YTHDC2: variants seen among roughly 807,000 people sequenced by gnomAD.
YTHDC2 encodes 3'-5' RNA helicase YTHDC2.
Under a neutral mutation model 174.9 loss-of-function variants are expected in YTHDC2, and 45 were observed. That is an observed-to-expected ratio of 0.26 (90% CI 0.20 to 0.33). The LOEUF (loss-of-function observed/expected upper bound fraction) is 0.33. Ranked by LOEUF, YTHDC2 falls within the 10% of genes least tolerant of loss-of-function variation. YTHDC2 has a pLI of 1.00. For synonymous variants in YTHDC2, 657 were observed against 574.5 expected, an observed-to-expected ratio of 1.14 and a Z score of -2.05; for missense variants, 1,650 against 1,723.7, an observed-to-expected ratio of 0.96 and a Z score of 0.76.
At position 113,553,665 on chromosome 5, in the gene YTHDC2, G is replaced by A. The variant is rs150138204; in HGVS notation, c.1943G>A (p.Arg648Gln). The A allele has an allele frequency of 8.1e-6, 13 of 1,613,318 alleles. No homozygotes were observed. The highest frequency in any genetic ancestry group is 2.2e-5 in the South Asian group (2 of 91,056). ...GATCGCATCCTGTTTGATGACAAGC[G>A]GTTTGCTGACAGTACACATAGGTAA... ...LRDRILFDDK[R>Q]FADSTHRYQV... is the part of the protein sequence containing the mutation. The change falls in exon 14 of 30, where the codon CGG becomes CAG. Residue 648 changes from arginine to glutamine, a missense_variant. Physicochemically the swap from Arg to Gln is conservative, Grantham distance 43 (BLOSUM62 1). Transcript: ENST00000161863.
intron 1 of YTHDC2, chr5:113,514,399 C>G (rs1773254583): frequency 7.1e-6 from 4 of 565,462 alleles, no homozygotes; most frequent in South Asian, 1.6e-5. Flanking sequence ...TAGCCCTAAC[C>G]CTTTTTAAGG....
Position 113,553,395 on chromosome 5 carries a change from T to C in YTHDC2, c.1867+36T>C, listed in dbSNP as rs754507875. ...GTTGTCTAAAAGAACTGGAGCAAAA[T>C]ATATACTTTAAGAATTAATATTTTA... On this transcript the variant is annotated intron_variant, in intron 13 of 29. Transcript: ENST00000161863. 17 of 1,551,692 alleles carry C rather than the reference T, an allele frequency of 1.1e-5. No homozygotes were observed. The East Asian group carries it at 3.9e-4, about 35-fold the overall frequency.
chr5:113,566,783 G>T (rs944790328), intron 21 of YTHDC2, among the ~76,000 whole-genome samples: 1 of 152,030 alleles, frequency 6.6e-6, no homozygotes, highest in Admixed American at 6.6e-5. Flanking sequence ...AATTTAGTTT[G>T]TTTCTGGCAG....
intron 2 of YTHDC2, among the ~76,000 whole-genome samples, 190 bp from the exon 3 acceptor site, chr5:113,524,791 G>A (rs1774102112): frequency 6.6e-6 from 1 of 151,984 alleles, no homozygotes; most frequent in Non-Finnish European, 1.5e-5. Context: ...AATTTTAATT[G>A]AAAATAGTTT....
chr5:113,585,575 C>G (rs183143940), intron 26 of YTHDC2, among the ~76,000 whole-genome samples: 7 of 152,028 alleles, frequency 4.6e-5, no homozygotes, highest in East Asian at 3.9e-4. Context: ...AACTATACCA[C>G]AATCATCTAC....
chr5:113,585,119 T>C (rs1778608868), intron 26 of YTHDC2, among the ~76,000 whole-genome samples: 1 of 152,094 alleles, frequency 6.6e-6, no homozygotes, highest in African/African-American at 2.4e-5. Flanking sequence ...ACAAAAAGAT[T>C]AATTTAACTT....
At chr5:113,551,081 A>G (rs898932946) in intron 12 of YTHDC2, among the ~76,000 whole-genome samples, 1 of 152,058 alleles carries the variant, frequency 6.6e-6, no homozygotes. Context: ...AATTTTATAG[A>G]TGTAAAATTG....
chr5:113,534,806 C>G (rs980575181), intron 6 of YTHDC2, among the ~76,000 whole-genome samples: 2 of 152,046 alleles, frequency 1.3e-5, no homozygotes, highest in Admixed American at 1.3e-4. Flanking sequence ...TAGGGGTATA[C>G]TAATAAACTC....
At position 113,549,041 on chromosome 5, in the gene YTHDC2, AAATT is replaced by A. The variant is rs772794150; in HGVS notation, c.1688+26_1688+29del. On this transcript the variant is annotated intron_variant, in intron 12 of 29. Transcript: ENST00000161863. The stretch of plus-strand genomic sequence containing the variant: ...TACAGGTAAAACTTTGTACTATTTT[AAATT>A]AATTCTACCGTCTCTTAAAAAAGAG... 4 of 1,582,334 alleles carry A rather than the reference AAATT, an allele frequency of 2.5e-6. No individual in the cohort carries two copies. The Admixed American group carries it at 6.8e-5, about 27-fold the overall frequency.
At chr5:113,564,214 T>A (rs1777190556) in intron 20 of YTHDC2, 83 bp downstream of exon 20, 3 of 1,388,592 alleles carry the variant, frequency 2.2e-6, no homozygotes, top group Admixed American at 2.5e-5. Context: ...TAAAAATAAT[T>A]TATAAATTTT....
At chr5:113,555,351 T>C (rs1776534488) in intron 16 of YTHDC2, among the ~76,000 whole-genome samples, 1 of 152,126 alleles carries the variant, frequency 6.6e-6, no homozygotes, top group South Asian at 2.1e-4. Flanking sequence ...TTTTATTTGC[T>C]CTATGCAGTT....
intron 24 of YTHDC2, among the ~76,000 whole-genome samples, chr5:113,580,744 C>T (rs1778352137): frequency 6.6e-6 from 1 of 152,156 alleles, no homozygotes; most frequent in Admixed American, 6.5e-5. Flanking sequence ...TTGTCCATAT[C>T]CTCCTTTTTG....
At chr5:113,551,932 G>C (rs761058151) in intron 12 of YTHDC2, among the ~76,000 whole-genome samples, 1 of 152,084 alleles carries the variant, frequency 6.6e-6, no homozygotes, top group African/African-American at 2.4e-5. Flanking sequence ...TTACATATAA[G>C]ATGAAGAAGC....
intron 16 of YTHDC2, among the ~76,000 whole-genome samples, chr5:113,554,865 A>G (rs1776494224): frequency 6.6e-6 from 1 of 152,046 alleles, no homozygotes; most frequent in Non-Finnish European, 1.5e-5. Context: ...TTGATTTTTC[A>G]AGGGAAGACA....
chr5:113,593,397 C>A lies in YTHDC2; in HGVS notation c.*7+7C>A. 1 of 1,601,162 alleles carries A rather than the reference C, an allele frequency of 6.2e-7. No individual in the cohort carries two copies. The highest frequency in any genetic ancestry group is 8.5e-7 in the Non-Finnish European group (1 of 1,169,926). On this transcript the variant is annotated splice_region_variant and intron_variant, in intron 29 of 29. Transcript: ENST00000161863. ...ACAACTGATTGACACTCAGGTTATA[C>A]CATCTTGACTTTGAGTATTGGCAGT...
chr5:113,533,178 A>AT, intron 5 of YTHDC2, 133 bp downstream of exon 5: 1 of 936,514 alleles, frequency 1.1e-6, no homozygotes, highest in East Asian at 2.7e-5. Flanking sequence ...ACATCAAGAT[A>AT]TTAAAGTCAT....
chr5:113,542,582 C>G (rs1775563482), intron 10 of YTHDC2, 79 bp downstream of exon 10: 1 of 1,359,080 alleles, frequency 7.4e-7, no homozygotes, highest in Admixed American at 2.7e-5. Context: ...AACGTATGTA[C>G]TACCAATAAT....
At chr5:113,537,235 A>G (rs902382026) in intron 7 of YTHDC2, among the ~76,000 whole-genome samples, 3 of 152,170 alleles carry the variant, frequency 2.0e-5, no homozygotes, top group African/African-American at 7.2e-5. Context: ...TGAAGTGTAT[A>G]AGGCTATTTA....
At chr5:113,557,451 A>G (rs12187902) in intron 17 of YTHDC2, among the ~76,000 whole-genome samples, 3,020 of 152,268 alleles carry the variant, frequency 0.02, 39 homozygotes, top group Non-Finnish European at 0.029. Flanking sequence ...CTTATGACCA[A>G]TAGTGGCTTG....
Sources: allele counts gnomAD v4.1 joint callset (sites outside exome capture counted in the v4.1 genomes callset), GRCh38; gene constraint gnomAD v4.1.1; transcripts MANE v1.5; gene names NCBI Gene and HGNC (gene_info 2026-07-23, HGNC 2026-07-21).